Variants in SRGAP2 observed in about 807,000 individuals in gnomAD.
SRGAP2 encodes SLIT-ROBO Rho GTPase-activating protein 2.
In SRGAP2, 15 loss-of-function variants were observed where a neutral mutation model predicts 57.2. The ratio of observed to expected loss-of-function variants is 0.26; its 90% confidence interval spans 0.18 to 0.40. SRGAP2 has a LOEUF of 0.40. Among genes scored for constraint, SRGAP2 ranks in the 10% least tolerant of loss-of-function variants. SRGAP2 has a pLI of 1.00. For synonymous variants in SRGAP2, 249 were observed against 248.0 expected (o/e 1.00, Z -0.04); for missense variants, 520 against 669.6 (o/e 0.78, Z 2.47).
At chr1:206,306,509 C>T (rs1259682683) in intron 3 of SRGAP2, among the ~76,000 whole-genome samples, 6 of 152,186 alleles carry the variant, frequency 3.9e-5, no homozygotes, top group African/African-American at 1.4e-4. Flanking sequence ...AGATTTATTG[C>T]AAAAAGCAAA....
chr1:206,398,787 T>C (rs1657865764), intron 7 of SRGAP2, among the ~76,000 whole-genome samples: 1 of 152,200 alleles, frequency 6.6e-6, no homozygotes, highest in Admixed American at 6.5e-5. Flanking sequence ...TTAGTGTGTT[T>C]CTAAGTAGAG....
chr1:206,423,463 A>T (rs1553365080), intron 13 of SRGAP2, among the ~76,000 whole-genome samples: 1 of 152,106 alleles, frequency 6.6e-6, no homozygotes, highest in East Asian at 1.9e-4. Context: ...TTGTGATAGC[A>T]CCTTCTACCT....
chr1:206,208,717 A>G (rs1464245099), intron 2 of SRGAP2, among the ~76,000 whole-genome samples: 1 of 152,098 alleles, frequency 6.6e-6, no homozygotes, highest in Non-Finnish European at 1.5e-5. Flanking sequence ...TATGAGTGTC[A>G]GCTTTTTGTG....
chr1:206,255,409 C>A (rs1268890573), intron 2 of SRGAP2, among the ~76,000 whole-genome samples: 2 of 137,314 alleles, frequency 1.5e-5, no homozygotes, highest in Non-Finnish European at 3.1e-5. Context: ...AGTAGGTCAT[C>A]ATGTTGAGTT....
rs1491302336 is a variant in SRGAP2 at position 206,391,614 on chromosome 1, T to TGC, written c.487-1074_487-1073dup. Among the ~76,000 whole-genome samples the TGC allele has an allele frequency of 7.4e-5, 7 of 95,120 alleles. No individual in the cohort carries two copies. In the South Asian group the frequency reaches 1.0e-3, roughly 14 times the overall value. 62.4% of individuals were successfully genotyped at this position (95,120 alleles called of 152,430 possible). On this transcript the variant is annotated intron_variant, in intron 5 of 22. Transcript: ENST00000573034. ...TGCACTCCTGTGTTACACACACACATGCACACACACACACACACACACACA... is the reference window on the plus strand; with the variant it reads ...TGCACTCCTGTGTTACACACACACATGCGCACACACACACACACACACACACA...
chr1:206,441,453 C>G (rs1177356219), intron 17 of SRGAP2, among the ~76,000 whole-genome samples: 1 of 152,134 alleles, frequency 6.6e-6, no homozygotes, highest in Non-Finnish European at 1.5e-5. Context: ...TTTGGAGTCC[C>G]CACATGACAG....
chr1:206,304,071 G>C, intron 3 of SRGAP2, among the ~76,000 whole-genome samples: 1 of 152,210 alleles, frequency 6.6e-6, no homozygotes. Flanking sequence ...TCCCTGTCTA[G>C]GTAGCTGCTA....
chr1:206,432,070 C>T (rs1050964834), intron 14 of SRGAP2, among the ~76,000 whole-genome samples: 4 of 152,190 alleles, frequency 2.6e-5, no homozygotes, highest in Non-Finnish European at 5.9e-5. Flanking sequence ...AGGGAGTCAT[C>T]TTTTTAAAGG....
intron 2 of SRGAP2, among the ~76,000 whole-genome samples, chr1:206,267,349 T>C (rs1553314822): frequency 1.3e-5 from 2 of 151,710 alleles, no homozygotes; most frequent in Admixed American, 1.3e-4. Context: ...TCTTTGGCTT[T>C]GGGTTGCTAT....
chr1:206,460,240 G>A (rs893218765), intron 22 of SRGAP2, among the ~76,000 whole-genome samples: 3 of 152,230 alleles, frequency 2.0e-5, no homozygotes, highest in Admixed American at 1.3e-4. Flanking sequence ...TGGGGAGGGA[G>A]CGGGGAGCTG....
chr1:206,386,731 A>G (rs1409919648), intron 5 of SRGAP2, among the ~76,000 whole-genome samples: 2 of 146,264 alleles, frequency 1.4e-5, no homozygotes, highest in African/African-American at 5.1e-5. Flanking sequence ...CCTGGGAGGC[A>G]GAGCTTGCAG....
intron 14 of SRGAP2, among the ~76,000 whole-genome samples, chr1:206,435,443 C>A (rs537118935): frequency 1.3e-5 from 2 of 152,190 alleles, no homozygotes; most frequent in African/African-American, 2.4e-5. Context: ...AAAAGCTGAG[C>A]GGTCCTGATG....
chr1:206,245,315 T>A (rs1553309982), intron 2 of SRGAP2, among the ~76,000 whole-genome samples: 1 of 151,230 alleles, frequency 6.6e-6, no homozygotes, highest in Non-Finnish European at 1.5e-5. Context: ...TGTGCCCAGG[T>A]TGGTTTGGAC....
At chr1:206,440,129 A>C (rs369454528) in intron 17 of SRGAP2, 48 bp downstream of exon 17, 5 of 770,120 alleles carry the variant, frequency 6.5e-6, no homozygotes, top group Non-Finnish European at 1.2e-5. Flanking sequence ...TGGCTTGGGC[A>C]CTGGAAGTTC....
intron 16 of SRGAP2, 138 bp from the exon 17 acceptor site, chr1:206,439,838 C>T: frequency 1.6e-6 from 1 of 628,996 alleles, no homozygotes; most frequent in South Asian, 1.9e-5. Context: ...GATGACACTC[C>T]TGTCACTGCA....
intron 11 of SRGAP2, among the ~76,000 whole-genome samples, chr1:206,417,414 C>CT (rs1219905489): frequency 0.013 from 1,482 of 110,764 alleles, 63 homozygotes; most frequent in African/African-American, 0.036. Flanking sequence ...GATCTTATGA[C>CT]TTTTTTTTTT....
chr1:206,248,511 T>C (rs1227687096), intron 2 of SRGAP2, among the ~76,000 whole-genome samples: 5 of 152,190 alleles, frequency 3.3e-5, no homozygotes, highest in Non-Finnish European at 7.3e-5. Context: ...TACCAGATGC[T>C]TTTTGGTCTC....
At position 206,372,956 on chromosome 1, in the gene SRGAP2, T is replaced by TTTCTTTCC. The variant is rs1416086064; in HGVS notation, c.424-11056_424-11055insCTTTCCTT. On this transcript the variant is annotated intron_variant, in intron 4 of 22. Coordinates refer to ENST00000573034, the MANE Select transcript of SRGAP2 (RefSeq NM_015326.5). ...CTTTCTTTCTTTCTTTCTTTCTTTC[T>TTTCTTTCC]TTTCTTTCCTTTCTTTCTTTCTTTC... Among the ~76,000 whole-genome samples, 3 of 9,226 alleles carry TTTCTTTCC rather than the reference T, an allele frequency of 3.3e-4. 1 individual carries two copies. Among genetic ancestry groups the TTTCTTTCC allele is most frequent in the African/African-American group, 4.7e-4 (1 of 2,126 alleles). 6.1% of individuals were successfully genotyped at this position (9,226 alleles called of 152,430 possible).
chr1:206,231,586 G>T (rs1256688730), intron 2 of SRGAP2, among the ~76,000 whole-genome samples: 3 of 150,144 alleles, frequency 2.0e-5, no homozygotes, highest in Admixed American at 1.3e-4. Context: ...TGCCCAGGCT[G>T]GAGTGCAATG....
Sources: allele counts gnomAD v4.1 joint callset (sites outside exome capture counted in the v4.1 genomes callset), GRCh38; gene constraint gnomAD v4.1.1; transcripts MANE v1.5; gene names NCBI Gene and HGNC (gene_info 2026-07-23, HGNC 2026-07-21).